The following EDC3 variants were observed in gnomAD, a reference collection of about 807,000 sequenced individuals.
EDC3 encodes the protein enhancer of mRNA-decapping protein 3.
Under a neutral mutation model 41.8 loss-of-function variants are expected in EDC3, and 20 were observed. The ratio of observed to expected loss-of-function variants is 0.48; its 90% CI spans 0.34 to 0.70. The LOEUF is 0.70. Among genes scored for constraint, EDC3 ranks in the 30% least tolerant of loss-of-function variants. The pLI, the probability that EDC3 is intolerant of heterozygous loss-of-function variation, is 0.01. For missense variants in EDC3, 444 were observed against 636.8 expected (o/e 0.70, Z 3.26); for synonymous variants, 206 against 243.2 (o/e 0.85, Z 1.42).
At chr15:74,637,611 G>A (rs965936944) in intron 5 of EDC3, 2 of 152,244 alleles carry the variant, frequency 1.3e-5, no homozygotes, top group African/African-American at 4.8e-5. Flanking sequence ...TAGGATGAGG[G>A]AGGTGGAAAT....
At chr15:74,687,709 A>C (rs2062955150) in intron 1 of EDC3, among the ~76,000 whole-genome samples, 1 of 152,164 alleles carries the variant, frequency 6.6e-6, no homozygotes, top group Non-Finnish European at 1.5e-5. Flanking sequence ...AATTTCAACA[A>C]TAATGATGAT....
chr15:74,689,822 C>T (rs1168888410), intron 1 of EDC3, among the ~76,000 whole-genome samples: 2 of 152,248 alleles, frequency 1.3e-5, no homozygotes, highest in Non-Finnish European at 2.9e-5. Context: ...CTGCGCCCGG[C>T]CCTGCCTCCA....
intron 3 of EDC3, among the ~76,000 whole-genome samples, chr15:74,658,737 G>A (rs1336340784): frequency 1.3e-5 from 2 of 150,050 alleles, no homozygotes; most frequent in African/African-American, 2.5e-5. Flanking sequence ...TCAGGAGATC[G>A]AGACCATCCT....
chr15:74,662,841 A>C (rs1166939873), intron 3 of EDC3, among the ~76,000 whole-genome samples: 1 of 152,208 alleles, frequency 6.6e-6, no homozygotes, highest in African/African-American at 2.4e-5. Flanking sequence ...GGATACAGAC[A>C]CTGCTAAAGA....
At chr15:74,681,604 A>T (rs2062871327) in intron 1 of EDC3, among the ~76,000 whole-genome samples, 1 of 152,240 alleles carries the variant, frequency 6.6e-6, no homozygotes, top group African/African-American at 2.4e-5. Context: ...GACTCACAAA[A>T]ATATGCCCAA....
At chr15:74,637,886 T>C (rs1427584408) in intron 5 of EDC3, 2 of 152,214 alleles carry the variant, frequency 1.3e-5, no homozygotes, top group African/African-American at 4.8e-5. Context: ...TTTGGATCTG[T>C]GAGTGCTGCT....
At chr15:74,645,466 A>G (rs1024957908) in intron 4 of EDC3, 4 of 150,406 alleles carry the variant, frequency 2.7e-5, no homozygotes, top group African/African-American at 9.8e-5. Context: ...ATATGTCACA[A>G]TGTTAACTGG....
chr15:74,671,846 A>T lies in EDC3; in HGVS notation c.165-72T>A. 6.9e-7 allele frequency: 1 copy of T among 1,452,092 alleles called. No homozygotes were observed. The highest frequency in any genetic ancestry group is 9.6e-7 in the Non-Finnish European group (1 of 1,046,936). 90.0% of individuals were successfully genotyped at this position (1,452,092 alleles called of 1,614,324 possible). Reference sequence around the variant, plus strand: ...GAATGATGAAACTGAGATCATTAGCAAACAGCTACCCCTTTGCAGGACTGC... The same window carrying T: ...GAATGATGAAACTGAGATCATTAGCTAACAGCTACCCCTTTGCAGGACTGC... On this transcript the variant is annotated intron_variant, in intron 2 of 6. Coordinates refer to ENST00000315127, the MANE Select transcript of EDC3 (RefSeq NM_025083.5). This position sits in a 1 kb window ranked among gnomAD's most constrained non-coding sequence, Gnocchi z 4.6.
At chr15:74,677,325 G>A (rs2141661312) in intron 1 of EDC3, among the ~76,000 whole-genome samples, 1 of 149,020 alleles carries the variant, frequency 6.7e-6, no homozygotes, top group Admixed American at 6.7e-5. Context: ...CTCCCAAAGT[G>A]CTGGGATTAC....
intron 1 of EDC3, among the ~76,000 whole-genome samples, chr15:74,683,078 A>G (rs1423730612): frequency 6.6e-6 from 1 of 152,202 alleles, no homozygotes; most frequent in Admixed American, 6.6e-5. Context: ...ACATTTACTC[A>G]AAAAAGCCAC....
At chr15:74,659,135 A>C (rs2062590047) in intron 3 of EDC3, among the ~76,000 whole-genome samples, 1 of 152,154 alleles carries the variant, frequency 6.6e-6, no homozygotes, top group South Asian at 2.1e-4. Flanking sequence ...CTAGGATGAT[A>C]AAATACAACC....
rs1302191432 is a variant in EDC3, at chr15:74,635,236, G to A, written c.1192+173C>T. ...CTTCATGTGAGTAGTTGGAGAGGGA[G>A]AAGCATAAGGGGATGGGAAGTAGTA... On this transcript the variant is annotated intron_variant, in intron 6 of 6. Transcript: ENST00000315127. The A allele has an allele frequency of 1.5e-5, 11 of 715,356 alleles. No individual in the cohort carries two copies. The Admixed American group carries it at 1.6e-4, about 10-fold the overall frequency. The allele number at this position is 715,356 out of a possible 1,614,324, so 44.3% of individuals were successfully genotyped here.
intron 2 of EDC3, among the ~76,000 whole-genome samples, chr15:74,673,970 A>T (rs544398536): frequency 7.2e-5 from 11 of 152,324 alleles, no homozygotes; most frequent in African/African-American, 2.2e-4. Context: ...AGGTGAGTAG[A>T]AGAAAAGGAA....
intron 4 of EDC3, among the ~76,000 whole-genome samples, chr15:74,647,406 G>A (rs1307369601): frequency 6.6e-6 from 1 of 152,174 alleles, no homozygotes; most frequent in African/African-American, 2.4e-5. Flanking sequence ...GTGCATTTCT[G>A]GAATGACCAA....
At chr15:74,692,517 T>C (rs149495059) in intron 1 of EDC3, among the ~76,000 whole-genome samples, 3 of 152,272 alleles carry the variant, frequency 2.0e-5, no homozygotes, top group African/African-American at 7.2e-5. Flanking sequence ...TATGAGGTCA[T>C]AATTACCCTG....
intron 2 of EDC3, 177 bp downstream of exon 2, chr15:74,674,784 A>T (rs1439769400): frequency 1.5e-6 from 1 of 671,958 alleles, no homozygotes; most frequent in African/African-American, 1.8e-5. Context: ...GGAGGCCACA[A>T]CGGGCAGATT....
chr15:74,673,440 G>C (rs1387562059), intron 2 of EDC3, among the ~76,000 whole-genome samples: 1 of 152,200 alleles, frequency 6.6e-6, no homozygotes, highest in Middle Eastern at 3.4e-3. Flanking sequence ...AAAACATAAC[G>C]AGATTAGCTC....
At chr15:74,686,075 C>A (rs1306665356) in intron 1 of EDC3, among the ~76,000 whole-genome samples, 3 of 152,092 alleles carry the variant, frequency 2.0e-5, no homozygotes, top group African/African-American at 7.2e-5. Context: ...GCCTGTAATC[C>A]CAGCACTTTG....
At chr15:74,691,978 G>A (rs939307158) in intron 1 of EDC3, among the ~76,000 whole-genome samples, 9 of 152,030 alleles carry the variant, frequency 5.9e-5, no homozygotes, top group African/African-American at 1.7e-4. Context: ...CAACACGCCC[G>A]GCTAATTTTT....
Sources: gnomAD v4.1 joint callset for allele counts (sites outside exome capture counted in the v4.1 genomes callset) on GRCh38, gnomAD v4.1.1 for gene constraint, Gnocchi (gnomAD v3.1) non-coding constraint, MANE v1.5 for transcripts, NCBI Gene and HGNC (gene_info 2026-07-23, HGNC 2026-07-21) for gene names.